ARMC1: variants seen among roughly 807,000 people sequenced by gnomAD.
ARMC1 encodes armadillo repeat-containing protein 1.
Under a neutral mutation model 31.4 loss-of-function variants are expected in ARMC1, and 16 were observed. The ratio of observed to expected loss-of-function variants is 0.51; its 90% CI spans 0.34 to 0.77. The LOEUF is 0.77. ARMC1 is among the 30% of genes least tolerant of loss of function. The pLI, the probability that ARMC1 is intolerant of heterozygous loss-of-function variation, is 0.01. For synonymous variants in ARMC1, 114 were observed against 118.9 expected, an observed-to-expected ratio of 0.96 and a Z score of 0.27; for missense variants, 259 against 347.5, an observed-to-expected ratio of 0.75 and a Z score of 2.02.
intron 2 of ARMC1, among the ~76,000 whole-genome samples, chr8:65,623,428 G>C (rs568923242): frequency 6.6e-6 from 1 of 151,776 alleles, no homozygotes; most frequent in African/African-American, 2.4e-5. Context: ...GGCCAACATG[G>C]CAAAACCCCG....
In ARMC1 at chr8:65,603,049, T is replaced by C. The variant is rs1422079937; in HGVS notation, c.*1345A>G. On this transcript the variant is annotated 3_prime_UTR_variant, in exon 7 of 7. Transcript: ENST00000276569. The stretch of plus-strand genomic sequence containing the variant: ...TCTCCAAATAGTAAAATAGCAGCTC[T>C]ACATGTTGATGAAAAGAAATTTCAA... 1 of 152,338 alleles carries C rather than the reference T, an allele frequency of 6.6e-6. No individual in the cohort carries two copies. The highest frequency in any genetic ancestry group is 1.9e-4 in the East Asian group (1 of 5,190). The allele number at this position is 152,338 out of a possible 1,614,324, so 9.4% of individuals were successfully genotyped here.
At chr8:65,618,198 G>A (rs1050923633) in intron 3 of ARMC1, among the ~76,000 whole-genome samples, 1 of 151,516 alleles carries the variant, frequency 6.6e-6, no homozygotes, top group Non-Finnish European at 1.5e-5. Context: ...ACCGGCATGA[G>A]CCACGGCACC....
At chr8:65,610,101 A>AT (rs1257354331) in intron 4 of ARMC1, among the ~76,000 whole-genome samples, 2 of 128,150 alleles carry the variant, frequency 1.6e-5, no homozygotes, top group East Asian at 5.3e-4. Flanking sequence ...ACAAAATTAA[A>AT]ATTTTTTTGT....
chr8:65,632,438 C>T (rs1808665627), intron 1 of ARMC1, among the ~76,000 whole-genome samples: 1 of 151,976 alleles, frequency 6.6e-6, no homozygotes, highest in South Asian at 2.1e-4. Context: ...ACAGTAAAAC[C>T]CCGTCTCTAC....
At chr8:65,622,443 G>A (rs1808414368) in intron 2 of ARMC1, 89 bp from the exon 3 acceptor site, 1 of 962,754 alleles carries the variant, frequency 1.0e-6, no homozygotes, top group South Asian at 1.5e-5. Flanking sequence ...AAACAAAAAA[G>A]GAGAAAATAG....
chr8:65,606,145 G>T (rs1420658306), intron 4 of ARMC1, among the ~76,000 whole-genome samples: 1 of 152,038 alleles, frequency 6.6e-6, no homozygotes, highest in East Asian at 1.9e-4. Flanking sequence ...GGTAGATCAT[G>T]AAGTCAGGAG....
At chr8:65,607,346 A>G (rs965947034) in intron 4 of ARMC1, among the ~76,000 whole-genome samples, 17 of 152,366 alleles carry the variant, frequency 1.1e-4, no homozygotes, top group African/African-American at 3.4e-4. Context: ...CACAATATAT[A>G]TAAGTTAGGA....
intron 2 of ARMC1, among the ~76,000 whole-genome samples, chr8:65,626,513 G>A (rs1421275140): frequency 1.3e-5 from 2 of 151,386 alleles, no homozygotes; most frequent in African/African-American, 2.4e-5. Context: ...ACACAACTCT[G>A]TGAATATACT....
chr8:65,626,303 T>C (rs991117250), intron 2 of ARMC1, among the ~76,000 whole-genome samples: 1 of 151,840 alleles, frequency 6.6e-6, no homozygotes, highest in Admixed American at 6.6e-5. Context: ...TGGGAAGCAA[T>C]AGATAAAAAG....
At chr8:65,627,566 G>A (rs1207559044) in intron 1 of ARMC1, 133 bp from the exon 2 acceptor site, 24 of 475,776 alleles carry the variant, frequency 5.0e-5, no homozygotes, top group East Asian at 7.0e-5. Flanking sequence ...CTTAGAAATC[G>A]GCAACTCTAC....
At chr8:65,629,798 CAAAAAAAAA>C (rs56044753) in intron 1 of ARMC1, among the ~76,000 whole-genome samples, 1 of 101,356 alleles carries the variant, frequency 9.9e-6, no homozygotes, top group African/African-American at 3.8e-5. Context: ...GACTCCGTCT[CAAAAAAAAA>C]AAAAAAAAAA....
In ARMC1 at chr8:65,604,098, T is replaced by C; in HGVS notation, c.*296A>G. ...CTTCACGTAAAATAAAATGTAAAGC[T>C]GCACATACACATGTGGTTTTAACAG... On this transcript the variant is annotated 3_prime_UTR_variant, in exon 7 of 7. Coordinates refer to ENST00000276569, the MANE Select transcript of ARMC1 (RefSeq NM_018120.6). The C allele has an allele frequency of 4.4e-6, 1 of 229,596 alleles. No homozygotes were observed. The highest frequency in any genetic ancestry group is 8.5e-6 in the Non-Finnish European group (1 of 117,206). 14.2% of individuals were successfully genotyped at this position (229,596 alleles called of 1,614,324 possible).
At position 65,622,328 on chromosome 8, in the gene ARMC1, A is replaced by G. The variant is rs1808411274; in HGVS notation, c.210T>C (p.Arg70=). ...CTCCTTTCATCTTTTCTCTGTTTGC[A>G]CGGCATTCTGCCAAGTATCGAAGAG... ...LLALRYLAEC[R]ANREKMKGEL... Residue 70 remains arginine, a synonymous_variant, in exon 3 of 7, where the codon CGT becomes CGC. Transcript: ENST00000276569. 1.9e-6 allele frequency: 3 copies of G among 1,614,006 alleles called. No homozygotes were observed. Among genetic ancestry groups the G allele is most frequent in the Non-Finnish European group, 2.5e-6 (3 of 1,179,982 alleles).
intron 2 of ARMC1, among the ~76,000 whole-genome samples, chr8:65,625,533 A>C (rs1226699913): frequency 6.6e-6 from 1 of 152,232 alleles, no homozygotes; most frequent in Non-Finnish European, 1.5e-5. Flanking sequence ...CTCTGAACTT[A>C]GACATATTCT....
At chr8:65,616,960 G>A (rs1808280681) in intron 3 of ARMC1, among the ~76,000 whole-genome samples, 3 of 151,948 alleles carry the variant, frequency 2.0e-5, no homozygotes, top group Admixed American at 2.0e-4. Flanking sequence ...TGGGAAGTGA[G>A]GAGCGTCTCC....
At position 65,613,266 on chromosome 8, in the gene ARMC1, T is replaced by A; in HGVS notation, c.443A>T (p.His148Leu). ...TACCGTATCATCAAGGCCATCTATA[T>A]GCAAAACCACTGTTTTGGCACGTTT... ...TNKRAKTVVL[H>L]IDGLDDTSRR... Residue 148 changes from histidine to leucine, a missense_variant, in exon 4 of 7, where the codon CAT becomes CTT. Coordinates refer to ENST00000276569, the MANE Select transcript of ARMC1 (RefSeq NM_018120.6). 6.2e-7 allele frequency: 1 copy of A among 1,609,076 alleles called. No homozygotes were observed. Among genetic ancestry groups the A allele is most frequent in the East Asian group, 2.2e-5 (1 of 44,676 alleles).
intron 2 of ARMC1, among the ~76,000 whole-genome samples, chr8:65,625,116 C>T (rs1013114728): frequency 6.6e-6 from 1 of 152,162 alleles, no homozygotes; most frequent in Non-Finnish European, 1.5e-5. Flanking sequence ...AGCAAAAACT[C>T]TGTCTCAAAA....
Position 65,604,007 on chromosome 8 carries a change from A to G in ARMC1, c.*387T>C, listed in dbSNP as rs1807948833. 1 of 161,198 alleles carries G rather than the reference A, an allele frequency of 6.2e-6. No homozygotes were observed. Among genetic ancestry groups the G allele is most frequent in the Admixed American group, 6.1e-5 (1 of 16,492 alleles). 10.0% of individuals were successfully genotyped at this position (161,198 alleles called of 1,614,324 possible). On this transcript the variant is annotated 3_prime_UTR_variant, in exon 7 of 7. Transcript: ENST00000276569. ...CAGTAATTCATGCACAACTTGAGCT[A>G]CAAGAAAACTTCTCTTCAGGTAGGT...
At chr8:65,633,554 GT>G (rs928825439) in intron 1 of ARMC1, among the ~76,000 whole-genome samples, 2 of 152,224 alleles carry the variant, frequency 1.3e-5, no homozygotes, top group African/African-American at 4.8e-5. Flanking sequence ...CACGAAAGGA[GT>G]TGCTAACTGC....
Sources: gnomAD v4.1 joint callset for allele counts (sites outside exome capture counted in the v4.1 genomes callset) on GRCh38, gnomAD v4.1.1 for gene constraint, MANE v1.5 for transcripts, NCBI Gene and HGNC (gene_info 2026-07-23, HGNC 2026-07-21) for gene names.